The following WDR27 variants were observed in gnomAD, a reference collection of about 807,000 sequenced individuals.
WDR27 encodes the protein WD repeat domain 27, also known as WD repeat-containing protein 27.
In WDR27, 100 loss-of-function variants were observed where a neutral mutation model predicts 114.4. The observed-to-expected ratio is 0.87, with a 90% CI of 0.74 to 1.03. WDR27 has a LOEUF of 1.03. Among genes scored for constraint, WDR27 ranks in the 50% least tolerant of loss-of-function variants. The pLI is 0.00. For synonymous variants in WDR27, 449 were observed against 423.1 expected (o/e 1.06, Z -0.75); for missense variants, 1,129 against 1,092.9 (o/e 1.03, Z -0.47).
chr6:169,660,613 A>T, intron 10 of WDR27, 50 bp downstream of exon 10: 1 of 1,473,844 alleles, frequency 6.8e-7, no homozygotes, highest in Non-Finnish European at 9.5e-7. Flanking sequence ...CCCACATACC[A>T]GTCAAAGGAA....
At chr6:169,473,827 T>C (rs939827842) in intron 25 of WDR27, among the ~76,000 whole-genome samples, 3 of 152,204 alleles carry the variant, frequency 2.0e-5, no homozygotes, top group Non-Finnish European at 4.4e-5. Context: ...GTAATCCACA[T>C]GGGCAGAGAA....
intron 25 of WDR27, among the ~76,000 whole-genome samples, chr6:169,486,749 C>T (rs1404993740): frequency 6.6e-6 from 1 of 152,192 alleles, no homozygotes; most frequent in African/African-American, 2.4e-5. Context: ...CTCAGCCCCC[C>T]AAAGTGCTGG....
chr6:169,665,641 T>C, intron 6 of WDR27, 85 bp from the exon 7 acceptor site: 1 of 1,227,876 alleles, frequency 8.1e-7, no homozygotes. Context: ...CTTATCTCTT[T>C]ACACGTAATA....
chr6:169,577,482 A>AG (rs1483406027), intron 24 of WDR27, among the ~76,000 whole-genome samples: 1 of 150,348 alleles, frequency 6.7e-6, no homozygotes, highest in Admixed American at 6.6e-5. Flanking sequence ...GTGTAACCAC[A>AG]GCGGGCAGGA....
the WDR27 span, among the ~76,000 whole-genome samples, chr6:169,439,833 G>A: frequency 6.7e-6 from 1 of 148,214 alleles, no homozygotes; most frequent in Non-Finnish European, 1.5e-5. Context: ...TTTTTAATAG[G>A]ATGCAATTAT....
chr6:169,443,970 C>T, the WDR27 span, among the ~76,000 whole-genome samples: 1 of 152,176 alleles, frequency 6.6e-6, no homozygotes, highest in African/African-American at 2.4e-5. Context: ...GCGGCATAGA[C>T]ATGAGCTCCT....
At chr6:169,483,698 CACACACACACAG>C (rs989887103) in intron 25 of WDR27, among the ~76,000 whole-genome samples, 1 of 151,294 alleles carries the variant, frequency 6.6e-6, no homozygotes, top group African/African-American at 2.4e-5. Context: ...CAAACACAAA[CACACACACACAG>C]ACACACACAC....
At chr6:169,686,177 A>C (rs972616730) in intron 2 of WDR27, among the ~76,000 whole-genome samples, 2 of 152,192 alleles carry the variant, frequency 1.3e-5, no homozygotes, top group Non-Finnish European at 2.9e-5. Flanking sequence ...GACTGGTCTT[A>C]CAAGAAATGC....
In WDR27 at chr6:169,532,826, T is replaced by TA. The variant is rs879594888; in HGVS notation, c.2645+39592dup. On this transcript the variant is annotated intron_variant, in intron 25 of 25. Transcript: ENST00000448612. ...CCCCAAAAACAGGAAAACTTAAAAT[T>TA]AAAAAAAAAAAAAAGATGCTTCAGA... is the stretch of plus-strand genomic sequence containing the variant. Among the ~76,000 whole-genome samples, 318 of 138,288 alleles carry TA rather than the reference T, an allele frequency of 2.3e-3. 1 individual carries two copies. Among genetic ancestry groups the TA allele is most frequent in the East Asian group, 4.8e-3 (23 of 4,798 alleles). The allele number at this position is 138,288 out of a possible 152,430, so 90.7% of individuals were successfully genotyped here.
intron 2 of WDR27, among the ~76,000 whole-genome samples, chr6:169,682,937 G>C (rs1416904703): frequency 6.6e-6 from 1 of 152,058 alleles, no homozygotes; most frequent in Non-Finnish European, 1.5e-5. Flanking sequence ...AAATGCAATA[G>C]ATAGCATCAA....
At chr6:169,667,339 TGTA>T (rs944774010) in intron 5 of WDR27, 152 bp from the exon 6 acceptor site, 1 of 1,238,154 alleles carries the variant, frequency 8.1e-7, no homozygotes, top group African/African-American at 1.6e-5. Context: ...ATAATAAAAA[TGTA>T]GTAACACCAT....
chr6:169,617,358 G>C (rs1016895933), intron 21 of WDR27, among the ~76,000 whole-genome samples: 1 of 152,196 alleles, frequency 6.6e-6, no homozygotes, highest in African/African-American at 2.4e-5. Context: ...ATGGTAGGCA[G>C]GGAAGGCTGG....
Position 169,457,487 on chromosome 6 carries a change from AC to A in WDR27, c.*104del, listed in dbSNP as rs1198772265. 21 of 963,132 alleles carry A rather than the reference AC, an allele frequency of 2.2e-5. No homozygotes were observed. Among genetic ancestry groups the A allele is most frequent in the Non-Finnish European group, 3.2e-5 (21 of 660,828 alleles). 59.7% of individuals were successfully genotyped at this position (963,132 alleles called of 1,614,324 possible). On this transcript the variant is annotated 3_prime_UTR_variant, in exon 26 of 26. Transcript: ENST00000448612. ...TGAGGCAAGTCTCAAAATATGAAAA[AC>A]AGTTGCTGCTTCTGGCCCCCTGATG...
the WDR27 span, among the ~76,000 whole-genome samples, chr6:169,441,233 T>C: frequency 3.9e-5 from 6 of 152,242 alleles, no homozygotes; most frequent in East Asian, 1.9e-4. Context: ...GTCCCTGATG[T>C]TGACTACCTT....
chr6:169,651,190 G>C (rs1253762217), intron 14 of WDR27, among the ~76,000 whole-genome samples: 1 of 118,808 alleles, frequency 8.4e-6, no homozygotes, highest in Non-Finnish European at 1.7e-5. Flanking sequence ...GGGCGGGGGG[G>C]GGGAGTGGGG....
the WDR27 span, among the ~76,000 whole-genome samples, chr6:169,448,399 T>TGTGTGA: frequency 6.6e-6 from 1 of 150,498 alleles, no homozygotes; most frequent in Non-Finnish European, 1.5e-5. Context: ...TCTATGTGTG[T>TGTGTGA]GTGTGTGTGT....
At chr6:169,565,852 G>A in intron 25 of WDR27, among the ~76,000 whole-genome samples, 1 of 152,156 alleles carries the variant, frequency 6.6e-6, no homozygotes. Flanking sequence ...GTCTCACGAT[G>A]TTGCCCAGAC....
At chr6:169,616,161 C>T (rs1195175395) in intron 21 of WDR27, among the ~76,000 whole-genome samples, 1 of 152,078 alleles carries the variant, frequency 6.6e-6, no homozygotes, top group Non-Finnish European at 1.5e-5. Context: ...TAATAACATG[C>T]CCTTCAAATA....
intron 1 of WDR27, among the ~76,000 whole-genome samples, chr6:169,693,342 A>G (rs1466277580): frequency 6.6e-6 from 1 of 152,252 alleles, no homozygotes; most frequent in Non-Finnish European, 1.5e-5. Context: ...AAGGAGTTCT[A>G]AATCTTGAAA....
Sources: allele counts gnomAD v4.1 joint callset (sites outside exome capture counted in the v4.1 genomes callset), GRCh38; gene constraint gnomAD v4.1.1; transcripts MANE v1.5; gene names NCBI Gene and HGNC (gene_info 2026-07-23, HGNC 2026-07-21).